TSHZ3: variants seen among roughly 807,000 people sequenced by gnomAD.
TSHZ3 encodes the protein teashirt zinc finger homeobox 3, also known as teashirt homolog 3.
A neutral mutation model predicts 64.5 loss-of-function variants in TSHZ3; 10 were observed. The ratio of observed to expected loss-of-function variants is 0.16; its 90% confidence interval spans 0.10 to 0.26. The LOEUF (loss-of-function observed/expected upper bound fraction) is 0.26. Among genes scored for constraint, TSHZ3 ranks in the 10% least tolerant of loss-of-function variants. TSHZ3 has a pLI of 1.00. For missense variants in TSHZ3, 1,242 were observed against 1,421.7 expected (o/e 0.87, Z 2.03); for synonymous variants, 608 against 593.1 (o/e 1.03, Z -0.36).
intron 5 of TSHZ3, among the ~76,000 whole-genome samples, chr19:31,197,733 G>A (rs1039387824): frequency 6.6e-6 from 1 of 151,774 alleles, no homozygotes; most frequent in Non-Finnish European, 1.5e-5. Context: ...AAGATAAAAT[G>A]TACTAAAACT....
At chr19:31,337,792 C>T (rs543784117) in intron 1 of TSHZ3, among the ~76,000 whole-genome samples, 2 of 151,564 alleles carry the variant, frequency 1.3e-5, no homozygotes, top group African/African-American at 2.4e-5. Flanking sequence ...GTACCATTTC[C>T]ATTTCTTTCC....
intron 5 of TSHZ3, among the ~76,000 whole-genome samples, chr19:31,164,704 C>T (rs1465868601): frequency 1.3e-5 from 2 of 152,170 alleles, no homozygotes; most frequent in East Asian, 1.9e-4. Context: ...ATTTTAAGGA[C>T]GCTGCGTGCA....
intron 1 of TSHZ3, among the ~76,000 whole-genome samples, chr19:31,314,073 G>C (rs1457817522): frequency 6.6e-6 from 1 of 152,160 alleles, no homozygotes; most frequent in Admixed American, 6.6e-5. Context: ...GTGGCTGTTG[G>C]GCTCACCGGA....
rs145064335 is a variant in TSHZ3, at chr19:31,293,630, A to G, written c.41-13878T>C. Among the ~76,000 whole-genome samples the G allele has an allele frequency of 7.0e-4, 106 of 152,350 alleles. 1 individual carries two copies. The East Asian group carries it at 0.019, about 27-fold the overall frequency. On this transcript the variant is annotated intron_variant, in intron 1 of 1. Transcript: ENST00000240587. ...TTTAATTTCTGTGATGAGACAATGA[A>G]TGGAAAAGTCCCCTCTAAACTCTAA...
exon 7 of TSHZ3, among the ~76,000 whole-genome samples, chr19:31,151,261 C>G (rs984774110): frequency 6.6e-6 from 1 of 152,164 alleles, no homozygotes; most frequent in African/African-American, 2.4e-5. Flanking sequence ...ATATTACTTT[C>G]CTCATTATTC....
intron 1 of TSHZ3, among the ~76,000 whole-genome samples, chr19:31,259,328 A>T (rs1975954898): frequency 6.6e-6 from 1 of 152,142 alleles, no homozygotes; most frequent in Non-Finnish European, 1.5e-5. Context: ...TTGCATTTTT[A>T]TAGATTTTTT....
chr19:31,346,709 T>C (rs1174427955), intron 1 of TSHZ3, among the ~76,000 whole-genome samples: 1 of 151,956 alleles, frequency 6.6e-6, no homozygotes, highest in Non-Finnish European at 1.5e-5. Context: ...AAAGCTGGCA[T>C]GAACCTTATA....
chr19:31,291,081 C>A (rs1976556867), intron 1 of TSHZ3, among the ~76,000 whole-genome samples: 1 of 152,212 alleles, frequency 6.6e-6, no homozygotes, highest in South Asian at 2.1e-4. Context: ...TTTAGCACAG[C>A]CCGAGTGGCC....
At chr19:31,181,327 CA>C (rs1202052247) in intron 5 of TSHZ3, among the ~76,000 whole-genome samples, 3 of 152,104 alleles carry the variant, frequency 2.0e-5, no homozygotes, top group African/African-American at 7.2e-5. Context: ...GGGACCTCAG[CA>C]AAGGGGCAGG....
At chr19:31,339,545 G>A (rs559734345) in intron 1 of TSHZ3, among the ~76,000 whole-genome samples, 4 of 152,224 alleles carry the variant, frequency 2.6e-5, no homozygotes, top group African/African-American at 7.2e-5. Flanking sequence ...TCCCCTCCCC[G>A]TAGTCTGGCT....
chr19:31,318,788 G>A (rs573684646), intron 1 of TSHZ3, among the ~76,000 whole-genome samples: 19 of 152,182 alleles, frequency 1.2e-4, no homozygotes, highest in African/African-American at 3.4e-4. Context: ...CAGAAACTTC[G>A]CAGGAAGTTC....
chr19:31,340,338 C>CAAAAAAAAAAAAAAAAAAAAAAAA lies in TSHZ3; in HGVS notation c.40+8818_40+8841dup, dbSNP rs1160334453. Among the ~76,000 whole-genome samples, 5 of 32,762 alleles carry CAAAAAAAAAAAAAAAAAAAAAAAA rather than the reference C, an allele frequency of 1.5e-4. 2 individuals carry two copies. Among genetic ancestry groups the CAAAAAAAAAAAAAAAAAAAAAAAA allele is most frequent in the African/African-American group, 2.9e-4 (3 of 10,202 alleles). The allele number at this position is 32,762 out of a possible 152,430, so 21.5% of individuals were successfully genotyped here. On this transcript the variant is annotated intron_variant, in intron 1 of 1. Coordinates refer to ENST00000240587, the MANE Select transcript of TSHZ3 (RefSeq NM_020856.4). Reference sequence around the variant, plus strand: ...ATTAATTAGCAACAGGCCTACAGTACAAAAAAAAAAAAAAAAAAAAAAAAA... The same window carrying CAAAAAAAAAAAAAAAAAAAAAAAA: ...ATTAATTAGCAACAGGCCTACAGTACAAAAAAAAAAAAAAAAAAAAAAAAAAAAAAAAAAAAAAAAAAAAAAAAA...
At chr19:31,262,916 G>A (rs998338156) in intron 1 of TSHZ3, among the ~76,000 whole-genome samples, 8 of 152,208 alleles carry the variant, frequency 5.3e-5, no homozygotes, top group Non-Finnish European at 8.8e-5. Context: ...GCTGATGGAC[G>A]CAACAGTTGG....
chr19:31,181,508 G>C (rs185696170), intron 5 of TSHZ3, among the ~76,000 whole-genome samples: 14 of 152,296 alleles, frequency 9.2e-5, no homozygotes, highest in Non-Finnish European at 2.1e-4. Flanking sequence ...AGAGGAGAGA[G>C]AGAACCACCG....
At chr19:31,227,830 G>A (rs1203888829) in intron 4 of TSHZ3, among the ~76,000 whole-genome samples, 7 of 152,138 alleles carry the variant, frequency 4.6e-5, no homozygotes, top group Admixed American at 4.6e-4. Flanking sequence ...TCAAATCTCA[G>A]CAACCATCCA....
At chr19:31,287,124 C>T (rs550556401) in intron 1 of TSHZ3, among the ~76,000 whole-genome samples, 55 of 152,216 alleles carry the variant, frequency 3.6e-4, no homozygotes, top group African/African-American at 1.3e-3. Context: ...TCTCCAACCA[C>T]GGGGGCCACG....
chr19:31,202,246 T>TC (rs758161007), intron 5 of TSHZ3, among the ~76,000 whole-genome samples: 1 of 152,072 alleles, frequency 6.6e-6, no homozygotes, highest in Non-Finnish European at 1.5e-5. Flanking sequence ...CTAAAATAAT[T>TC]CACAAAAAAA....
In TSHZ3 at chr19:31,277,909, C is replaced by T. The variant is rs779966521; in HGVS notation, c.1884G>A (p.Met628Ile). Residue 628 changes from methionine to isoleucine, a missense_variant, in exon 2 of 2, where the codon ATG becomes ATA. By Grantham distance (10) the Met-to-Ile change is conservative. Around this residue, in one of 4 missense-constraint regions of TSHZ3, gnomAD observed 550 missense variants for 545.1 expected, o/e 1.01. Coordinates refer to ENST00000240587, the MANE Select transcript of TSHZ3 (RefSeq NM_020856.4). This position sits in a 1 kb window ranked among gnomAD's most constrained non-coding sequence, Gnocchi z 4.5. The stretch of plus-strand genomic sequence containing the variant: ...GGGAAAGCTTCCCATCCGGCTCCTT[C>T]ATCTTCTCCTCCACTTTGGCAACTT... Reference protein sequence around the residue: ...TEKVAKVEEKMKEPDGKLSPP... With the variant: ...TEKVAKVEEKIKEPDGKLSPP... 1 of 1,614,024 alleles carries T rather than the reference C, an allele frequency of 6.2e-7. No individual in the cohort carries two copies. Among genetic ancestry groups the T allele is most frequent in the Non-Finnish European group, 8.5e-7 (1 of 1,179,970 alleles).
chr19:31,181,614 T>C (rs775387619), intron 5 of TSHZ3, among the ~76,000 whole-genome samples: 4 of 152,036 alleles, frequency 2.6e-5, no homozygotes, highest in Non-Finnish European at 2.9e-5. Context: ...GCAGAAAGCA[T>C]GGGCATCCCC....
Sources: gnomAD v4.1 joint callset for allele counts (sites outside exome capture counted in the v4.1 genomes callset) on GRCh38, gnomAD v4.1.1 for gene constraint, gnomAD v4.1.1 regional missense constraint, Gnocchi (gnomAD v3.1) non-coding constraint, MANE v1.5 for transcripts, NCBI Gene and HGNC (gene_info 2026-07-23, HGNC 2026-07-21) for gene names.